GRIN2B: variants seen among roughly 807,000 people sequenced by gnomAD.
GRIN2B encodes glutamate receptor ionotropic, NMDA 2B.
Under a neutral mutation model 114.5 loss-of-function variants are expected in GRIN2B, and 5 were observed. The observed-to-expected ratio is 0.04, with a 90% CI of 0.02 to 0.09. The LOEUF (loss-of-function observed/expected upper bound fraction) is 0.09. Ranked by LOEUF, GRIN2B falls within the 10% of genes least tolerant of loss-of-function variation. GRIN2B has a pLI of 1.00. For missense variants in GRIN2B, 1,108 were observed against 1,943.5 expected, an observed-to-expected ratio of 0.57 and a Z score of 8.08; for synonymous variants, 787 against 745.1, an observed-to-expected ratio of 1.06 and a Z score of -0.92.
At position 13,562,038 on chromosome 12, in the gene GRIN2B, C is replaced by T. The variant is rs1239017384; in HGVS notation, c.*745G>A. The stretch of plus-strand genomic sequence containing the variant: ...CTGACTACACATGGGTGCAAGTGTG[C>T]ATGAACACACATGCACGCACAATCC... On this transcript the variant is annotated 3_prime_UTR_variant, in exon 14 of 14. Transcript: ENST00000609686. The T allele has an allele frequency of 6.6e-6, 1 of 152,640 alleles. No homozygotes were observed. Among genetic ancestry groups the T allele is most frequent in the Admixed American group, 6.5e-5 (1 of 15,290 alleles). The allele number at this position is 152,640 out of a possible 1,614,324, so 9.5% of individuals were successfully genotyped here. A position where few individuals can be genotyped will look rare whatever the true frequency, so the allele number is the denominator to read the frequency against.
intron 3 of GRIN2B, among the ~76,000 whole-genome samples, chr12:13,761,382 A>T (rs1863677170): frequency 1.3e-5 from 2 of 152,234 alleles, no homozygotes; most frequent in South Asian, 4.1e-4. Context: ...CACTTTGAGA[A>T]TGTCTACAAG....
At chr12:13,736,676 CTGCCTACGTAAGATATT>C (rs1276387856) in intron 4 of GRIN2B, among the ~76,000 whole-genome samples, 3 of 152,134 alleles carry the variant, frequency 2.0e-5, no homozygotes, top group Non-Finnish European at 4.4e-5. Context: ...AAGGATTTAG[CTGCCTACGTAAGATATT>C]TGCAATCAAA....
chr12:13,572,010 G>T, intron 10 of GRIN2B, 46 bp from the exon 11 acceptor site: 3 of 1,436,220 alleles, frequency 2.1e-6, no homozygotes, highest in Non-Finnish European at 2.9e-6. Context: ...GATGGAGGGA[G>T]AGAGAGAGAG....
rs1303742830 is a variant in GRIN2B at position 13,554,848 on chromosome 12, A to T, written c.*7935T>A. 6.6e-6 allele frequency: 1 copy of T among 152,220 alleles called. No individual in the cohort carries two copies. Among genetic ancestry groups the T allele is most frequent in the Non-Finnish European group, 1.5e-5 (1 of 68,032 alleles). 9.4% of individuals were successfully genotyped at this position (152,220 alleles called of 1,614,324 possible). A position where few individuals can be genotyped will look rare whatever the true frequency, so the allele number is the denominator to read the frequency against. On this transcript the variant is annotated 3_prime_UTR_variant, in exon 14 of 14. Coordinates refer to ENST00000609686, the MANE Select transcript of GRIN2B (RefSeq NM_000834.5). Reference sequence around the variant, plus strand: ...GAGGCAAAAGTGCCTGAAAAGCTTGAGTTCGGTGACGGAAGACATGGTGAT... The same window carrying T: ...GAGGCAAAAGTGCCTGAAAAGCTTGTGTTCGGTGACGGAAGACATGGTGAT...
chr12:13,777,019 C>T (rs1864017870), intron 3 of GRIN2B, among the ~76,000 whole-genome samples: 1 of 152,162 alleles, frequency 6.6e-6, no homozygotes, highest in South Asian at 2.1e-4. Context: ...ATGGGTGTCC[C>T]TAAGGTGCAA....
Position 13,616,897 on chromosome 12 carries a change from A to G in GRIN2B, c.1126-240T>C, listed in dbSNP as rs78823315. ...CTCACTTACCAAACATTAAATGAGG[A>G]CCTACTATGTGCTGGCACCCTGTTA... is the stretch of plus-strand genomic sequence containing the variant. On this transcript the variant is annotated intron_variant, in intron 5 of 13. Coordinates refer to ENST00000609686, the MANE Select transcript of GRIN2B (RefSeq NM_000834.5). Among the ~76,000 whole-genome samples the G allele has an allele frequency of 0.097, 14,703 of 152,286 alleles. 966 individuals are homozygous for G. The highest frequency in any genetic ancestry group is 0.16 in the Non-Finnish European group (10,604 of 67,994).
intron 3 of GRIN2B, among the ~76,000 whole-genome samples, chr12:13,773,290 T>G (rs1035003306): frequency 6.6e-5 from 10 of 152,338 alleles, no homozygotes; most frequent in African/African-American, 2.4e-4. Context: ...CTTAGTTGAG[T>G]GTGTCCATGC....
chr12:13,866,166 C>A lies in GRIN2B; in HGVS notation c.43G>T (p.Val15Leu). 1 of 1,612,514 alleles carries A rather than the reference C, an allele frequency of 6.2e-7. No individual in the cohort carries two copies. Residue 15 changes from valine to leucine, a missense_variant, in exon 3 of 14, where the codon GTG (valine) becomes TTG (leucine). Around this residue, in one of 19 missense-constraint regions of GRIN2B, gnomAD observed 46 missense variants for 44.4 expected, o/e 1.04. Transcript: ENST00000609686. ...AECCSPKFWL[V>L]LAVLAVSGSR... ...CCTGACACGGCCAGGACGGCCAACA[C>A]CAACCAGAACTTGGGAGAACAGCAC...
At chr12:13,867,174 CTTTTT>C (rs951997155) in intron 2 of GRIN2B, among the ~76,000 whole-genome samples, 24 of 151,396 alleles carry the variant, frequency 1.6e-4, no homozygotes. Context: ...AAAAATGTTC[CTTTTT>C]TTTTCCTGAT....
chr12:13,684,268 C>T (rs1161714508), intron 4 of GRIN2B, among the ~76,000 whole-genome samples: 1 of 152,118 alleles, frequency 6.6e-6, no homozygotes, highest in Non-Finnish European at 1.5e-5. Context: ...CCCCTTCTGA[C>T]CTCCCAGATC....
intron 5 of GRIN2B, among the ~76,000 whole-genome samples, chr12:13,673,910 T>G (rs1399525446): frequency 6.6e-6 from 1 of 152,068 alleles, no homozygotes; most frequent in Non-Finnish European, 1.5e-5. Context: ...CAGACAGAAG[T>G]GCCTGTTATA....
intron 2 of GRIN2B, among the ~76,000 whole-genome samples, chr12:13,941,638 C>T (rs1295193795): frequency 6.6e-6 from 1 of 152,174 alleles, no homozygotes; most frequent in Non-Finnish European, 1.5e-5. Context: ...ATAAACTGCC[C>T]TTAAACTGGA....
At chr12:13,843,279 A>T (rs949580593) in intron 3 of GRIN2B, among the ~76,000 whole-genome samples, 2 of 151,618 alleles carry the variant, frequency 1.3e-5, no homozygotes, top group African/African-American at 4.8e-5. Flanking sequence ...TCACTTTCCA[A>T]ATTTTGGTTG....
At chr12:13,784,694 C>G (rs1254009211) in intron 3 of GRIN2B, among the ~76,000 whole-genome samples, 3 of 152,188 alleles carry the variant, frequency 2.0e-5, no homozygotes, top group Non-Finnish European at 2.9e-5. Context: ...CCCTTGGAAG[C>G]CTGCCATGAT....
At chr12:13,796,510 C>G (rs1016861013) in intron 3 of GRIN2B, among the ~76,000 whole-genome samples, 2 of 152,162 alleles carry the variant, frequency 1.3e-5, no homozygotes. Flanking sequence ...TTCAGAGAAG[C>G]TTTTAGGGCC....
intron 11 of GRIN2B, among the ~76,000 whole-genome samples, chr12:13,571,294 G>T (rs1363744643): frequency 6.6e-6 from 1 of 152,190 alleles, no homozygotes; most frequent in African/African-American, 2.4e-5. Context: ...CACATGTGTA[G>T]GTCATGAACT....
chr12:13,611,306 A>G (rs1173811864), intron 9 of GRIN2B, among the ~76,000 whole-genome samples: 1 of 152,206 alleles, frequency 6.6e-6, no homozygotes, highest in Non-Finnish European at 1.5e-5. Flanking sequence ...TCAACCAGCC[A>G]CAACCACCTG....
chr12:13,939,582 T>G (rs12830979), intron 2 of GRIN2B, among the ~76,000 whole-genome samples: 42,430 of 126,836 alleles, frequency 0.33, 7,129 homozygotes, highest in Middle Eastern at 0.45. Flanking sequence ...TGAGACAAGG[T>G]CTTAGTCTGT....
At chr12:13,939,520 G>C (rs1275155082) in intron 2 of GRIN2B, among the ~76,000 whole-genome samples, 1 of 137,442 alleles carries the variant, frequency 7.3e-6, no homozygotes, top group Admixed American at 7.6e-5. Context: ...GCTCTCACCA[G>C]AAAGACAGAT....
Sources: allele counts gnomAD v4.1 joint callset (sites outside exome capture counted in the v4.1 genomes callset), GRCh38; gene constraint gnomAD v4.1.1; regional missense constraint gnomAD v4.1.1; transcripts MANE v1.5; gene names NCBI Gene and HGNC (gene_info 2026-07-23, HGNC 2026-07-21).